Variants in CUX1 observed in about 807,000 individuals in gnomAD.
CUX1 encodes the protein protein CASP.
CUX1 carries 31 observed loss-of-function variants against 158.8 expected under a neutral mutation model. That is an observed-to-expected ratio of 0.20 (90% CI 0.15 to 0.26). CUX1 has a LOEUF of 0.26. CUX1 is among the 10% of genes least tolerant of loss of function. The pLI is 1.00. For missense variants in CUX1, 1,589 were observed against 2,014.6 expected (o/e 0.79, Z 4.04); for synonymous variants, 879 against 862.1 (o/e 1.02, Z -0.34).
At chr7:102,280,746 C>A in intron 19 of CUX1, 1 of 1,573,310 alleles carries the variant, frequency 6.4e-7, no homozygotes. Context: ...CTCTCTGCCA[C>A]AAGCCAGGGC....
At chr7:101,850,306 TAATC>T (rs561563383) in intron 1 of CUX1, among the ~76,000 whole-genome samples, 5 of 152,082 alleles carry the variant, frequency 3.3e-5, no homozygotes, top group Non-Finnish European at 7.3e-5. Context: ...TTTCATTTGT[TAATC>T]AACATTTTAT....
chr7:101,839,594 T>C (rs1373659617), intron 1 of CUX1, among the ~76,000 whole-genome samples: 1 of 152,210 alleles, frequency 6.6e-6, no homozygotes, highest in Non-Finnish European at 1.5e-5. Context: ...AGTCGATCTT[T>C]GCGATAAGCC....
At chr7:102,072,270 T>C (rs1424908995) in intron 4 of CUX1, among the ~76,000 whole-genome samples, 1 of 152,220 alleles carries the variant, frequency 6.6e-6, no homozygotes, top group Non-Finnish European at 1.5e-5. Flanking sequence ...CCATTGGCAA[T>C]TGGTGTTCAC....
intron 20 of CUX1, among the ~76,000 whole-genome samples, chr7:102,214,335 G>A (rs1016043979): frequency 3.3e-5 from 5 of 151,996 alleles, no homozygotes; most frequent in Non-Finnish European, 7.3e-5. Flanking sequence ...ACCAGCCTGA[G>A]CAACATAGCA....
rs982647402 is a variant in CUX1, at chr7:102,251,423, C to T, written c.*2381C>T. On this transcript the variant is annotated 3_prime_UTR_variant, in exon 24 of 24. Coordinates refer to ENST00000292535, the MANE Select transcript of CUX1 (RefSeq NM_181552.4). ...ACCTGCAGCTGCAGCACTTAGTTCA[C>T]GTTTTCACAAATTTCAAGAGTCACT... The T allele has an allele frequency of 1.1e-5, 11 of 985,198 alleles. No individual in the cohort carries two copies. Among genetic ancestry groups the T allele is most frequent in the East Asian group, 2.3e-4 (2 of 8,832 alleles). 61.0% of individuals were successfully genotyped at this position (985,198 alleles called of 1,614,324 possible). A position where few individuals can be genotyped will look rare whatever the true frequency, so the allele number is the denominator to read the frequency against.
At chr7:102,183,188 A>G (rs567593044) in intron 11 of CUX1, among the ~76,000 whole-genome samples, 1 of 152,066 alleles carries the variant, frequency 6.6e-6, no homozygotes, top group Admixed American at 6.5e-5. Context: ...AATTTTTTGT[A>G]TTTTTAGTAG....
At chr7:102,198,673 G>A (rs565443055) in intron 15 of CUX1, 129 bp from the exon 16 acceptor site, 31 of 755,780 alleles carry the variant, frequency 4.1e-5, no homozygotes, top group Non-Finnish European at 5.8e-5. Context: ...AGAAACTCCC[G>A]AGTTGCACAG....
intron 23 of CUX1, among the ~76,000 whole-genome samples, chr7:102,244,647 G>C (rs1372405833): frequency 2.0e-5 from 3 of 152,118 alleles, no homozygotes; most frequent in African/African-American, 7.2e-5. Flanking sequence ...CTGTGATCAT[G>C]CCATTGCACT....
chr7:102,199,980 C>A, intron 16 of CUX1, 91 bp from the exon 17 acceptor site: 1 of 1,070,370 alleles, frequency 9.3e-7, no homozygotes. Context: ...AGCCCCCACC[C>A]GGGGCTATAT....
At chr7:102,189,989 C>T (rs1424119823) in intron 12 of CUX1, 118 bp downstream of exon 12, 2 of 1,038,442 alleles carry the variant, frequency 1.9e-6, no homozygotes, top group Non-Finnish European at 2.9e-6. Context: ...CAGCAGATGC[C>T]CGTAAATGCA....
intron 7 of CUX1, among the ~76,000 whole-genome samples, chr7:102,114,208 T>C (rs1415746871): frequency 1.3e-5 from 2 of 152,242 alleles, no homozygotes; most frequent in African/African-American, 4.8e-5. Context: ...AAAAGATATA[T>C]ACACACACAT....
chr7:102,223,796 C>G (rs1403569423), intron 20 of CUX1, among the ~76,000 whole-genome samples: 1 of 152,070 alleles, frequency 6.6e-6, no homozygotes, highest in Non-Finnish European at 1.5e-5. Context: ...TTGTGAAACC[C>G]CATCTCTACT....
intron 2 of CUX1, among the ~76,000 whole-genome samples, chr7:101,976,124 C>G (rs917000503): frequency 2.0e-5 from 3 of 152,106 alleles, no homozygotes; most frequent in African/African-American, 7.2e-5. Flanking sequence ...AGAGAGAGAC[C>G]CCATCTCTAA....
At chr7:101,963,398 A>G (rs1212643092) in intron 2 of CUX1, among the ~76,000 whole-genome samples, 1 of 152,064 alleles carries the variant, frequency 6.6e-6, no homozygotes, top group Non-Finnish European at 1.5e-5. Context: ...TGAATGAGGC[A>G]GGCGTGGCTC....
intron 3 of CUX1, among the ~76,000 whole-genome samples, chr7:102,069,110 C>T (rs1433492889): frequency 6.6e-6 from 1 of 152,174 alleles, no homozygotes; most frequent in Non-Finnish European, 1.5e-5. Context: ...GCCCTCTCCT[C>T]CTCCTCGACA....
chr7:102,100,311 A>G (rs2130937548), intron 5 of CUX1, among the ~76,000 whole-genome samples: 1 of 152,266 alleles, frequency 6.6e-6, no homozygotes, highest in Non-Finnish European at 1.5e-5. Context: ...AGACAGACAG[A>G]CCTGGTTTGA....
intron 1 of CUX1, among the ~76,000 whole-genome samples, chr7:101,915,857 G>A (rs1804129305): frequency 6.6e-6 from 1 of 152,164 alleles, no homozygotes; most frequent in African/African-American, 2.4e-5. Context: ...TTTATGGCGT[G>A]CACATTGAGG....
chr7:102,095,104 C>A (rs201447), intron 4 of CUX1, among the ~76,000 whole-genome samples: 91,850 of 151,738 alleles, frequency 0.61, 29,660 homozygotes, highest in African/African-American at 0.79. Flanking sequence ...GGCTCAAGGA[C>A]TTCTCATGCC....
intron 2 of CUX1, among the ~76,000 whole-genome samples, chr7:101,929,205 A>T (rs1301948574): frequency 1.3e-5 from 2 of 152,118 alleles, no homozygotes; most frequent in Non-Finnish European, 2.9e-5. Flanking sequence ...TAAAGCTATA[A>T]ACGAACACTT....
Sources: gnomAD v4.1 joint callset for allele counts (sites outside exome capture counted in the v4.1 genomes callset) on GRCh38, gnomAD v4.1.1 for gene constraint, MANE v1.5 for transcripts, NCBI Gene and HGNC (gene_info 2026-07-23, HGNC 2026-07-21) for gene names.